ZC3H12B: variants seen among roughly 807,000 people sequenced by gnomAD.
ZC3H12B encodes the protein probable ribonuclease ZC3H12B.
In ZC3H12B, 7 loss-of-function variants were observed where a neutral mutation model predicts 43.9. The ratio of observed to expected loss-of-function variants is 0.16; its 90% CI spans 0.09 to 0.30. The LOEUF (loss-of-function observed/expected upper bound fraction) is 0.30, where lower values mean the gene tolerates loss of function less well. Ranked by LOEUF, ZC3H12B falls within the 10% of genes least tolerant of loss-of-function variation. ZC3H12B has a pLI of 1.00. For synonymous variants in ZC3H12B, 222 were observed against 241.7 expected (o/e 0.92, Z 0.76); for missense variants, 475 against 670.2 (o/e 0.71, Z 3.22).
At chrX:65,389,519 C>G (rs761995070) in intron 2 of ZC3H12B, among the ~76,000 whole-genome samples, 13 of 112,295 alleles carry the variant, frequency 1.2e-4, no homozygotes, top group South Asian at 7.3e-4. Context: ...ACCTAATTTT[C>G]CAGGTACCAT....
chrX:65,210,006 G>A, the ZC3H12B span, among the ~76,000 whole-genome samples: 1 of 67,755 alleles, frequency 1.5e-5, no homozygotes, highest in African/African-American at 1.7e-4. Context: ...ACATAGGCGT[G>A]GGCAAGGACT....
the ZC3H12B span, among the ~76,000 whole-genome samples, chrX:65,250,956 T>C: frequency 1.8e-5 from 2 of 112,167 alleles, no homozygotes; most frequent in Admixed American, 9.4e-5. Context: ...ATCCCATTTG[T>C]CAATTTTGGC....
chrX:65,142,766 C>A, the ZC3H12B span, among the ~76,000 whole-genome samples: 1 of 112,294 alleles, frequency 8.9e-6, no homozygotes, highest in Non-Finnish European at 1.9e-5. Flanking sequence ...TGTTCCTTTC[C>A]CACTTGGGTG....
At chrX:65,162,489 C>G in the ZC3H12B span, among the ~76,000 whole-genome samples, 1 of 111,363 alleles carries the variant, frequency 9.0e-6, no homozygotes, top group Non-Finnish European at 1.9e-5. Context: ...TTTCTCTAAA[C>G]TTCCCTTCTC....
the ZC3H12B span, among the ~76,000 whole-genome samples, chrX:65,062,292 G>T: frequency 1.5e-4 from 17 of 112,159 alleles, no homozygotes; most frequent in African/African-American, 5.5e-4. Context: ...TATGGTTTTA[G>T]GTCTTACGTT....
Position 65,472,982 on chromosome X carries a change from ATATATATATATATATG to A in ZC3H12B, n.408-15648_408-15633del, listed in dbSNP as rs1178950357. ...TGTGTATGTGTATGTGTGTGTATATATATATATATATATATGTATATATATATATATATATCTGTTT... is the reference window on the plus strand; with the variant it reads ...TGTGTATGTGTATGTGTGTGTATATATATATATATATATATATATCTGTTT... On this transcript the variant is annotated intron_variant and non_coding_transcript_variant, in intron 3 of 5. Coordinates refer to the ZC3H12B transcript ENST00000617377. Among the ~76,000 whole-genome samples, 36 of 78,055 alleles carry A rather than the reference ATATATATATATATATG, an allele frequency of 4.6e-4. 1 individual carries two copies. In the South Asian group the frequency reaches 0.013, roughly 28 times the overall value. The allele number at this position is 78,055 out of a possible 115,157, so 67.8% of individuals were successfully genotyped here.
chrX:65,400,556 A>G (rs752852562), intron 3 of ZC3H12B, among the ~76,000 whole-genome samples: 2 of 112,124 alleles, frequency 1.8e-5, no homozygotes, highest in Non-Finnish European at 3.8e-5. Context: ...AGATTTTAAT[A>G]ATGTTGATTG....
intron 3 of ZC3H12B, among the ~76,000 whole-genome samples, chrX:65,422,774 A>C (rs1325293706): frequency 9.1e-6 from 1 of 110,221 alleles, no homozygotes. Flanking sequence ...TATGAATGAG[A>C]ACATGAGATG....
chrX:65,287,545 G>A, the ZC3H12B span, among the ~76,000 whole-genome samples: 17 of 110,765 alleles, frequency 1.5e-4, no homozygotes, highest in African/African-American at 5.6e-4. Context: ...GATGTTGCTT[G>A]TGTCTAGGAG....
intron 3 of ZC3H12B, among the ~76,000 whole-genome samples, chrX:65,411,947 C>A (rs2066908765): frequency 9.1e-6 from 1 of 109,312 alleles, no homozygotes; most frequent in Non-Finnish European, 1.9e-5. Flanking sequence ...AACAATATTA[C>A]AAATAATAAT....
chrX:65,297,355 C>T, the ZC3H12B span, among the ~76,000 whole-genome samples: 3 of 110,357 alleles, frequency 2.7e-5, no homozygotes, highest in African/African-American at 9.9e-5. Flanking sequence ...ACACCAAGAG[C>T]GACCAAGAGG....
At chrX:65,262,157 T>G in the ZC3H12B span, among the ~76,000 whole-genome samples, 1 of 111,244 alleles carries the variant, frequency 9.0e-6, no homozygotes, top group African/African-American at 3.2e-5. Flanking sequence ...TATAATCAAT[T>G]TAGTATTTTA....
chrX:65,295,785 G>A, the ZC3H12B span, among the ~76,000 whole-genome samples: 5 of 111,052 alleles, frequency 4.5e-5, no homozygotes, highest in East Asian at 2.8e-4. Context: ...ACCTTTACAC[G>A]CACAAACTAG....
intron 4 of ZC3H12B, 42 bp from the exon 10 acceptor site, chrX:65,501,747 C>T (rs2068369631): frequency 1.8e-6 from 2 of 1,085,097 alleles, no homozygotes; most frequent in South Asian, 2.3e-5. Flanking sequence ...CAGAGGGTTC[C>T]ATCACTGAGA....
At chrX:65,259,044 C>A in the ZC3H12B span, among the ~76,000 whole-genome samples, 1 of 111,844 alleles carries the variant, frequency 8.9e-6, no homozygotes, top group Non-Finnish European at 1.9e-5. Context: ...TAGTGACATT[C>A]TTTACAGAAT....
intron 3 of ZC3H12B, among the ~76,000 whole-genome samples, chrX:65,450,857 G>GTA (rs1408096720): frequency 1.5e-5 from 1 of 65,089 alleles, no homozygotes; most frequent in Non-Finnish European, 2.8e-5. Flanking sequence ...ATATACATAT[G>GTA]TGTATATATG....
At chrX:65,439,933 C>T (rs2067279903) in intron 3 of ZC3H12B, among the ~76,000 whole-genome samples, 1 of 110,653 alleles carries the variant, frequency 9.0e-6, no homozygotes, top group African/African-American at 3.3e-5. Flanking sequence ...TTTCAGGTGT[C>T]TTGGTGGTAT....
the ZC3H12B span, among the ~76,000 whole-genome samples, chrX:65,263,421 G>A: frequency 9.0e-6 from 1 of 110,511 alleles, no homozygotes. Flanking sequence ...AGGCAAAAGA[G>A]CATCCTAGGT....
the ZC3H12B span, among the ~76,000 whole-genome samples, chrX:65,293,158 A>G: frequency 9.0e-6 from 1 of 111,667 alleles, no homozygotes; most frequent in Non-Finnish European, 1.9e-5. Flanking sequence ...AAACTGGAAG[A>G]TGGATCACAC....
Sources: gnomAD v4.1 joint callset for allele counts (sites outside exome capture counted in the v4.1 genomes callset) on GRCh38, gnomAD v4.1.1 for gene constraint, MANE v1.5 for transcripts, NCBI Gene and HGNC (gene_info 2026-07-23, HGNC 2026-07-21) for gene names.